TMEM63C: variants seen among roughly 807,000 people sequenced by gnomAD.
TMEM63C encodes transmembrane protein 63C, also known as osmosensitive cation channel TMEM63C.
In TMEM63C, 32 loss-of-function variants were observed where a neutral mutation model predicts 99.2. The observed-to-expected ratio is 0.32, with a 90% CI of 0.24 to 0.43. TMEM63C has a LOEUF of 0.43. TMEM63C is among the 20% of genes least tolerant of loss of function. TMEM63C has a pLI of 1.00. For synonymous variants in TMEM63C, 376 were observed against 397.9 expected, an observed-to-expected ratio of 0.94 and a Z score of 0.66; for missense variants, 826 against 1,053.0, an observed-to-expected ratio of 0.78 and a Z score of 2.98.
At chr14:77,251,984 T>C (rs1889370194) in intron 22 of TMEM63C, 86 bp downstream of exon 22, 6 of 1,085,414 alleles carry the variant, frequency 5.5e-6, no homozygotes, top group African/African-American at 1.6e-5. Context: ...TGGGCTCCCA[T>C]AGCACCACAG....
At chr14:77,194,515 T>G (rs1482304397) in intron 1 of TMEM63C, among the ~76,000 whole-genome samples, 8 of 40,212 alleles carry the variant, frequency 2.0e-4, no homozygotes, top group Non-Finnish European at 3.8e-4. Context: ...CTTTCTTTCT[T>G]TCTTTCTTTC....
rs1359324875 is a variant in TMEM63C, at chr14:77,259,344, T to TATC, written c.*2620_*2622dup. 8 of 152,708 alleles carry TATC rather than the reference T, an allele frequency of 5.2e-5. No homozygotes were observed. The highest frequency in any genetic ancestry group is 1.9e-4 in the African/African-American group (8 of 41,462). The allele number at this position is 152,708 out of a possible 1,614,324, so 9.5% of individuals were successfully genotyped here. A position where few individuals can be genotyped will look rare whatever the true frequency, so the allele number is the denominator to read the frequency against. ...CCACTGCCCCTGGAAGCAAAGTGCC[T>TATC]ATCAGCAGCGTTGCGTCCTCTGGGG... On this transcript the variant is annotated 3_prime_UTR_variant, in exon 24 of 24. Transcript: ENST00000298351.
At chr14:77,252,458 C>A (rs2140133575) in intron 22 of TMEM63C, among the ~76,000 whole-genome samples, 1 of 152,248 alleles carries the variant, frequency 6.6e-6, no homozygotes, top group East Asian at 1.9e-4. Context: ...TAGAGCCATG[C>A]CAACAACTGT....
intron 18 of TMEM63C, among the ~76,000 whole-genome samples, chr14:77,246,935 G>T (rs941375925): frequency 4.6e-5 from 7 of 152,116 alleles, no homozygotes; most frequent in African/African-American, 1.7e-4. Context: ...CTGTATGCAG[G>T]GTGGGTGTTC....
Position 77,225,475 on chromosome 14 carries a change from C to A in TMEM63C, c.350+14C>A, listed in dbSNP as rs1007297822. 3.1e-6 allele frequency: 5 copies of A among 1,612,504 alleles called. No homozygotes were observed. In the African/African-American group the frequency reaches 4.0e-5, roughly 13 times the overall value. On this transcript the variant is annotated intron_variant, in intron 6 of 23. Transcript: ENST00000298351. ...CATAACAATGAAGTAAGTGCCCGGG[C>A]TCTGTGAGCTTGTGACCGTGTTGCC...
intron 12 of TMEM63C, 81 bp from the exon 13 acceptor site, chr14:77,240,394 C>T: frequency 6.7e-7 from 1 of 1,485,022 alleles, no homozygotes; most frequent in Non-Finnish European, 8.9e-7. Flanking sequence ...TCCAGGGAGG[C>T]TTGAGTGGGG....
rs535500465 is a variant in TMEM63C, at chr14:77,249,483, C to T, written c.2038+25C>T. Reference sequence around the variant, plus strand: ...GGTAGGTACCAAGCCAGCCTGGAGACCCCACCTCCACCTGCCCCACTGTTC... The same window carrying T: ...GGTAGGTACCAAGCCAGCCTGGAGATCCCACCTCCACCTGCCCCACTGTTC... On this transcript the variant is annotated intron_variant, in intron 21 of 23. Transcript: ENST00000298351. The T allele has an allele frequency of 1.9e-6, 3 of 1,611,506 alleles. No homozygotes were observed. The South Asian group carries it at 3.3e-5, about 18-fold the overall frequency.
At position 77,245,099 on chromosome 14, in the gene TMEM63C, G is replaced by T. The variant is rs190591099; in HGVS notation, c.1448+644G>T. On this transcript the variant is annotated intron_variant, in intron 16 of 23. Coordinates refer to ENST00000298351, the MANE Select transcript of TMEM63C (RefSeq NM_020431.4). ...TATTCCACCAGGCAGCAGCCAAAAG[G>T]TTTGTCCTAACGGAAATCCTTCCTG... Among the ~76,000 whole-genome samples the T allele has an allele frequency of 3.8e-4, 58 of 152,352 alleles. 1 individual carries two copies. The highest frequency in any genetic ancestry group is 6.5e-4 in the Non-Finnish European group (44 of 68,038).
At chr14:77,245,820 T>C (rs369871586) in intron 16 of TMEM63C, 120 bp from the exon 17 acceptor site, 10 of 736,286 alleles carry the variant, frequency 1.4e-5, no homozygotes, top group African/African-American at 1.0e-4. Context: ...CAAGATGAGA[T>C]TTGGGTGGGG....
intron 1 of TMEM63C, among the ~76,000 whole-genome samples, chr14:77,199,625 G>T (rs546997182): frequency 2.3e-4 from 35 of 152,220 alleles, no homozygotes; most frequent in African/African-American, 8.2e-4. Flanking sequence ...TGACCCCCCG[G>T]GCTGTGGTCT....
chr14:77,252,052 G>T (rs1028151647), intron 22 of TMEM63C, among the ~76,000 whole-genome samples, 154 bp downstream of exon 22: 1 of 141,240 alleles, frequency 7.1e-6, no homozygotes, highest in African/African-American at 2.7e-5. Context: ...GTGTGCATGC[G>T]TGCATGCATG....
At position 77,239,382 on chromosome 14, in the gene TMEM63C, C is replaced by T. The variant is rs560002932; in HGVS notation, c.726-30C>T. 3.1e-6 allele frequency: 5 copies of T among 1,611,426 alleles called. No individual in the cohort carries two copies. The Admixed American group carries it at 6.7e-5, about 21-fold the overall frequency. ...GGCAGCACATCCCCAACCCCACAGG[C>T]CGACTCAGCACCCATGTTTGTGGCT... On this transcript the variant is annotated intron_variant, in intron 10 of 23. Transcript: ENST00000298351.
chr14:77,183,281 C>G (rs373467330), intron 1 of TMEM63C, among the ~76,000 whole-genome samples: 1 of 152,202 alleles, frequency 6.6e-6, no homozygotes, highest in East Asian at 1.9e-4. Flanking sequence ...GTCTTCTCTT[C>G]GCACCCCACA....
chr14:77,226,340 C>A (rs139976501), intron 6 of TMEM63C, among the ~76,000 whole-genome samples: 1 of 152,328 alleles, frequency 6.6e-6, no homozygotes, highest in Non-Finnish European at 1.5e-5. Context: ...GTGCATCCAG[C>A]AGCTCTTGAG....
At chr14:77,192,025 C>T (rs1337105899) in intron 1 of TMEM63C, among the ~76,000 whole-genome samples, 1 of 152,148 alleles carries the variant, frequency 6.6e-6, no homozygotes, top group Non-Finnish European at 1.5e-5. Context: ...GTTATATCTT[C>T]CTGGTGAATT....
At chr14:77,243,366 C>T (rs964737433) in intron 15 of TMEM63C, among the ~76,000 whole-genome samples, 45 of 152,068 alleles carry the variant, frequency 3.0e-4, no homozygotes, top group African/African-American at 8.2e-4. Context: ...TCTTCATGAA[C>T]GGGGTCATCC....
chr14:77,217,883 A>G (rs554841752), intron 2 of TMEM63C, among the ~76,000 whole-genome samples: 2 of 152,348 alleles, frequency 1.3e-5, no homozygotes, highest in South Asian at 4.1e-4. Flanking sequence ...GGGCAAAAAA[A>G]TTAAAACAAT....
At chr14:77,193,227 T>G (rs762368734) in intron 1 of TMEM63C, among the ~76,000 whole-genome samples, 7 of 152,232 alleles carry the variant, frequency 4.6e-5, no homozygotes, top group Non-Finnish European at 8.8e-5. Context: ...ATTTTTAAAC[T>G]CACTGTAAAA....
At chr14:77,252,198 G>A (rs567850372) in intron 22 of TMEM63C, among the ~76,000 whole-genome samples, 30 of 152,326 alleles carry the variant, frequency 2.0e-4, no homozygotes, top group Non-Finnish European at 1.5e-5. Flanking sequence ...TGTGAGTCCA[G>A]TGCAGCCACT....
Sources: gnomAD v4.1 joint callset for allele counts (sites outside exome capture counted in the v4.1 genomes callset) on GRCh38, gnomAD v4.1.1 for gene constraint, MANE v1.5 for transcripts, NCBI Gene and HGNC (gene_info 2026-07-23, HGNC 2026-07-21) for gene names.